The following RAP1A variants were observed in gnomAD, a reference collection of about 807,000 sequenced individuals.
RAP1A encodes ras-related protein Rap-1A.
A neutral mutation model predicts 26.4 loss-of-function variants in RAP1A; 6 were observed. That is an observed-to-expected ratio of 0.23 (90% CI 0.12 to 0.45). The LOEUF (loss-of-function observed/expected upper bound fraction) is 0.45, where lower values mean the gene tolerates loss of function less well. Ranked by LOEUF, RAP1A falls within the 20% of genes least tolerant of loss-of-function variation. The pLI is 0.99. For synonymous variants in RAP1A, 73 were observed against 79.4 expected, an observed-to-expected ratio of 0.92 and a Z score of 0.43; for missense variants, 121 against 217.2, an observed-to-expected ratio of 0.56 and a Z score of 2.78.
At chr1:111,677,372 T>A (rs1209860782) in intron 1 of RAP1A, among the ~76,000 whole-genome samples, 1 of 147,844 alleles carries the variant, frequency 6.8e-6, no homozygotes, top group African/African-American at 2.6e-5. Flanking sequence ...TTTTACACAT[T>A]GAATTACTTG....
chr1:111,600,524 C>A (rs1658652014), intron 1 of RAP1A, among the ~76,000 whole-genome samples: 1 of 152,260 alleles, frequency 6.6e-6, no homozygotes, highest in Admixed American at 6.5e-5. Flanking sequence ...AGCCTCCCCT[C>A]TCCAGCGTTC....
chr1:111,555,800 A>C (rs1657464564), intron 1 of RAP1A, among the ~76,000 whole-genome samples: 1 of 152,224 alleles, frequency 6.6e-6, no homozygotes. Flanking sequence ...AATTAAAACT[A>C]TAAACCTCTT....
chr1:111,619,447 G>T (rs1659094058), upstream of RAP1A, among the ~76,000 whole-genome samples: 1 of 152,180 alleles, frequency 6.6e-6, no homozygotes, highest in Non-Finnish European at 1.5e-5. Context: ...AAACCTCTGC[G>T]CTTAGTTAGA....
chr1:111,623,399 TG>T (rs1659283508), intron 1 of RAP1A, among the ~76,000 whole-genome samples: 1 of 151,792 alleles, frequency 6.6e-6, no homozygotes, highest in South Asian at 2.1e-4. Flanking sequence ...ATATTATAGC[TG>T]TGACCGCCCC....
At chr1:111,578,665 A>T (rs542418822) in intron 1 of RAP1A, among the ~76,000 whole-genome samples, 55 of 152,182 alleles carry the variant, frequency 3.6e-4, no homozygotes, top group Non-Finnish European at 6.5e-4. Context: ...CTTAGACCAG[A>T]TGTGTGTTTT....
At chr1:111,649,913 C>CT (rs1353166293) in intron 1 of RAP1A, among the ~76,000 whole-genome samples, 1 of 151,998 alleles carries the variant, frequency 6.6e-6, no homozygotes, top group African/African-American at 2.4e-5. Flanking sequence ...CTCTGTTAGG[C>CT]TTAAAAAAGA....
chr1:111,608,731 TCCA>T (rs1160609810), intron 1 of RAP1A: 1 of 158,458 alleles, frequency 6.3e-6, no homozygotes, highest in Non-Finnish European at 1.4e-5. Context: ...AAACCCCGTC[TCCA>T]CCAAAAAAAT....
chr1:111,543,286 A>C (rs1034275837), intron 1 of RAP1A, among the ~76,000 whole-genome samples: 2 of 152,084 alleles, frequency 1.3e-5, no homozygotes, highest in Non-Finnish European at 2.9e-5. Flanking sequence ...AAATATATAT[A>C]TATATTTCAC....
chr1:111,590,592 G>A (rs1483892116), intron 1 of RAP1A, among the ~76,000 whole-genome samples: 1 of 150,656 alleles, frequency 6.6e-6, no homozygotes, highest in Non-Finnish European at 1.5e-5. Flanking sequence ...TTTTCTAATG[G>A]TCTTTTTTTT....
At chr1:111,658,739 A>G (rs57300877) in intron 1 of RAP1A, among the ~76,000 whole-genome samples, 1,668 of 152,304 alleles carry the variant, frequency 0.011, 25 homozygotes, top group African/African-American at 0.038. Flanking sequence ...TGTATTCTGT[A>G]AATGTTGATT....
chr1:111,609,697 A>G (rs1658887184), intron 1 of RAP1A, among the ~76,000 whole-genome samples: 1 of 152,118 alleles, frequency 6.6e-6, no homozygotes, highest in South Asian at 2.1e-4. Context: ...GTGCAGTGGC[A>G]TGCTCTCGGC....
At chr1:111,564,108 G>A (rs1431353822) in intron 1 of RAP1A, 6 of 552,472 alleles carry the variant, frequency 1.1e-5, no homozygotes, top group Admixed American at 8.9e-5. Flanking sequence ...TAAAACTCAT[G>A]ACTATCTTTT....
Position 111,649,518 on chromosome 1 carries a change from G to A in RAP1A, c.-28+29584G>A, listed in dbSNP as rs1328047130. 1.4e-5 allele frequency: 4 copies of A among 282,762 alleles called. No individual in the cohort carries two copies. The East Asian group carries it at 3.5e-4, about 25-fold the overall frequency. 17.5% of individuals were successfully genotyped at this position (282,762 alleles called of 1,614,324 possible). On this transcript the variant is annotated intron_variant, in intron 1 of 7. Transcript: ENST00000369709. ...CAGAGCTTAGGGACTGGTAGTTGGT[G>A]GATAAGGTGAAGCGAGTGGTAAAGC...
chr1:111,685,473 A>G (rs1661441711), intron 1 of RAP1A, among the ~76,000 whole-genome samples: 1 of 152,254 alleles, frequency 6.6e-6, no homozygotes, highest in Non-Finnish European at 1.5e-5. Context: ...AGACATGAAC[A>G]GACACTTCTC....
rs534468934 is a variant in RAP1A at position 111,714,534 on chromosome 1, A to T, written c.*2133A>T. 1 of 152,316 alleles carries T rather than the reference A, an allele frequency of 6.6e-6. No homozygotes were observed. The highest frequency in any genetic ancestry group is 2.4e-5 in the African/African-American group (1 of 41,572). 9.4% of individuals were successfully genotyped at this position (152,316 alleles called of 1,614,324 possible). A position where few individuals can be genotyped will look rare whatever the true frequency, so the allele number is the denominator to read the frequency against. On this transcript the variant is annotated 3_prime_UTR_variant, in exon 8 of 8. Coordinates refer to ENST00000369709, the MANE Select transcript of RAP1A (RefSeq NM_002884.4). ...TATTCTATTTTAGAATGTGGTGGAG[A>T]AAGATGATAGTTATTAGATTCCTTT...
At chr1:111,664,392 AAAAAAAC>A (rs1557883434) in intron 1 of RAP1A, among the ~76,000 whole-genome samples, 2 of 140,682 alleles carry the variant, frequency 1.4e-5, no homozygotes, top group South Asian at 2.3e-4. Context: ...AAAAAAAAAA[AAAAAAAC>A]AAAAAACAAA....
Position 111,575,135 on chromosome 1 carries a change from A to ATTTC in RAP1A, c.-28+32646_-28+32649dup, listed in dbSNP as rs200582125. Among the ~76,000 whole-genome samples, 1,461 of 151,682 alleles carry ATTTC rather than the reference A, an allele frequency of 9.6e-3. 11 individuals are homozygous for ATTTC. Among genetic ancestry groups the ATTTC allele is most frequent in the Non-Finnish European group, 0.012 (790 of 67,840 alleles). On this transcript the variant is annotated intron_variant, in intron 1 of 7. Transcript: ENST00000356415. The stretch of plus-strand genomic sequence containing the variant: ...TGTATGACATTACCTAAGTTACTGA[A>ATTTC]TTTCTTTCTTTCTTTCTTTCTTTTT...
intron 1 of RAP1A, among the ~76,000 whole-genome samples, chr1:111,676,229 G>C (rs1256564899): frequency 6.6e-6 from 1 of 152,060 alleles, no homozygotes; most frequent in Non-Finnish European, 1.5e-5. Context: ...GGTGGTGGGC[G>C]CCTGTAATCC....
At chr1:111,633,370 AG>A (rs1659631525) in intron 1 of RAP1A, among the ~76,000 whole-genome samples, 1 of 152,218 alleles carries the variant, frequency 6.6e-6, no homozygotes, top group African/African-American at 2.4e-5. Context: ...ATAAAGTGCA[AG>A]TATCAATTTG....
Sources: gnomAD v4.1 joint callset for allele counts (sites outside exome capture counted in the v4.1 genomes callset) on GRCh38, gnomAD v4.1.1 for gene constraint, MANE v1.5 for transcripts, NCBI Gene and HGNC (gene_info 2026-07-23, HGNC 2026-07-21) for gene names.